GCSAML: variants seen among roughly 807,000 people sequenced by gnomAD.
GCSAML encodes germinal center associated signaling and motility like, also known as germinal center-associated signaling and motility-like protein.
Under a neutral mutation model 13.0 loss-of-function variants are expected in GCSAML, and 9 were observed. That is an observed-to-expected ratio of 0.69 (90% CI 0.42 to 1.21). The LOEUF (loss-of-function observed/expected upper bound fraction) is 1.21, where lower values mean the gene tolerates loss of function less well. Ranked by LOEUF, GCSAML falls within the 50% of genes most tolerant of loss-of-function variation. The pLI, the probability that GCSAML is intolerant of heterozygous loss-of-function variation, is 0.00. For missense variants in GCSAML, 143 were observed against 153.4 expected (o/e 0.93, Z 0.36); for synonymous variants, 37 against 52.9 (o/e 0.70, Z 1.31).
upstream of GCSAML, among the ~76,000 whole-genome samples, chr1:247,546,248 C>A (rs1389069936): frequency 1.3e-5 from 2 of 152,200 alleles, no homozygotes; most frequent in African/African-American, 4.8e-5. Context: ...TCATTGCACA[C>A]TACAGCTTCG....
At chr1:247,563,944 T>A (rs1212008108) in intron 3 of GCSAML, among the ~76,000 whole-genome samples, 1 of 152,154 alleles carries the variant, frequency 6.6e-6, no homozygotes, top group Non-Finnish European at 1.5e-5. Flanking sequence ...AGTGTATTTT[T>A]TTTTTTGAGA....
intron 3 of GCSAML, chr1:247,565,546 T>C (rs986485042): frequency 1.7e-5 from 3 of 171,774 alleles, no homozygotes; most frequent in Non-Finnish European, 2.4e-5. Flanking sequence ...CTGTGATAGT[T>C]ACATAAAATT....
In GCSAML at chr1:247,576,246, A is replaced by C. The variant is rs575104931; in HGVS notation, c.*1864A>C. The C allele has an allele frequency of 2.7e-4, 41 of 152,346 alleles. No individual in the cohort carries two copies. Among genetic ancestry groups the C allele is most frequent in the African/African-American group, 8.7e-4 (36 of 41,590 alleles). The allele number at this position is 152,346 out of a possible 1,614,324, so 9.4% of individuals were successfully genotyped here. On this transcript the variant is annotated 3_prime_UTR_variant, in exon 5 of 5. Transcript: ENST00000366488. ...GTGTCACTATTTCAAGTCAGTGCTC[A>C]AAAAGTTTCAGATGTTAAGCTGGTG...
intron 2 of GCSAML, among the ~76,000 whole-genome samples, chr1:247,558,448 C>T (rs1396969090): frequency 1.3e-5 from 2 of 152,084 alleles, no homozygotes; most frequent in African/African-American, 4.8e-5. Context: ...CTCATATATA[C>T]AGTTTGATAA....
At position 247,555,914 on chromosome 1, in the gene GCSAML, A is replaced by C. The variant is rs77952395; in HGVS notation, c.30-493A>C. 3.1e-3 allele frequency among the ~76,000 whole-genome samples: 479 copies of C among 152,340 alleles called. 1 individual carries two copies. The highest frequency in any genetic ancestry group is 5.9e-3 in the Non-Finnish European group (398 of 68,030). ...AATATGAAAAAGTCAGCTTTCCTGA[A>C]TGTATGTAAAGATCCCAATGTCTTA... is the stretch of plus-strand genomic sequence containing the variant. On this transcript the variant is annotated intron_variant, in intron 1 of 4. Transcript: ENST00000366488.
intron 2 of GCSAML, chr1:247,532,045 G>T (rs776246034): frequency 6.2e-7 from 1 of 1,614,096 alleles, no homozygotes; most frequent in South Asian, 1.1e-5. Context: ...CACCATGCTG[G>T]TGGTCAGACC....
In GCSAML at chr1:247,532,272, T is replaced by G. The variant is rs770826006; in HGVS notation, c.-148+5218T>G. On this transcript the variant is annotated intron_variant, in intron 2 of 5. Coordinates refer to the GCSAML transcript ENST00000366489. ...GTCCCCAGAGGTTAGCCAGGAGCTG[T>G]GGGACAATGCTCGTGGTGAAGCTCA... 5 of 1,614,062 alleles carry G rather than the reference T, an allele frequency of 3.1e-6. No individual in the cohort carries two copies. In the African/African-American group the frequency reaches 6.7e-5, roughly 22 times the overall value.
At chr1:247,567,121 T>C (rs78258317) in intron 4 of GCSAML, among the ~76,000 whole-genome samples, 1 of 150,656 alleles carries the variant, frequency 6.6e-6, no homozygotes, top group Non-Finnish European at 1.5e-5. Context: ...CTTTTTTTTT[T>C]CTAGAAACAT....
chr1:247,525,794 C>G (rs747117964), intron 1 of GCSAML: 1 of 152,244 alleles, frequency 6.6e-6, no homozygotes, highest in Non-Finnish European at 1.5e-5. Flanking sequence ...TATCTTAATT[C>G]TCTAATTCTG....
chr1:247,521,378 C>CCTCTCG lies in GCSAML; in HGVS notation c.-262-5557_-262-5556insGCTCTC, dbSNP rs1243087071. Among the ~76,000 whole-genome samples the CCTCTCG allele has an allele frequency of 3.4e-3, 511 of 151,028 alleles. 7 individuals carry two copies. Among genetic ancestry groups the CCTCTCG allele is most frequent in the Non-Finnish European group, 3.6e-3 (245 of 67,892 alleles). ...TCTCCCTCTCCACGGTCTCCCTCTCCCTCTCCACGGTCTCCCTCTCCCTCT... is the reference window on the plus strand; with the variant it reads ...TCTCCCTCTCCACGGTCTCCCTCTCCCTCTCGCTCTCCACGGTCTCCCTCTCCCTCT... On this transcript the variant is annotated intron_variant, in intron 1 of 5. Transcript: ENST00000366489.
At position 247,574,340 on chromosome 1, in the gene GCSAML, C is replaced by T; in HGVS notation, c.366C>T (p.Ser122=). Residue 122 remains serine (S), a synonymous_variant, in exon 5 of 5, where the codon TCC becomes TCT. Coordinates refer to ENST00000366488, the MANE Select transcript of GCSAML (RefSeq NM_145278.5). ...LLRTSVSRPC[S]CTHEHDYEVV... is the part of the protein sequence containing the mutation. Reference sequence around the variant, plus strand: ...GGACTTCTGTTAGTAGGCCTTGTTCCTGCACCCATGAGCATGATTATGAAG... The same window carrying T: ...GGACTTCTGTTAGTAGGCCTTGTTCTTGCACCCATGAGCATGATTATGAAG... 1 of 1,614,094 alleles carries T rather than the reference C, an allele frequency of 6.2e-7. No homozygotes were observed. Among genetic ancestry groups the T allele is most frequent in the Non-Finnish European group, 8.5e-7 (1 of 1,179,998 alleles).
intron 2 of GCSAML, 25 bp downstream of exon 2, chr1:247,556,491 TTTTTG>T (rs558022342): frequency 1.3e-5 from 20 of 1,567,170 alleles, no homozygotes; most frequent in Non-Finnish European, 1.7e-5. Flanking sequence ...TCTCAGAGTT[TTTTTG>T]TTTTGTTTTG....
upstream of GCSAML, among the ~76,000 whole-genome samples, chr1:247,547,495 T>C (rs142857016): frequency 1.3e-3 from 196 of 152,362 alleles, no homozygotes; most frequent in African/African-American, 4.6e-3. Flanking sequence ...TGGAGCTACT[T>C]ACTTGAGCAT....
At chr1:247,519,907 G>C (rs1194227459) in intron 1 of GCSAML, among the ~76,000 whole-genome samples, 2 of 152,184 alleles carry the variant, frequency 1.3e-5, no homozygotes, top group African/African-American at 4.8e-5. Flanking sequence ...TAGCATGGGA[G>C]AGTTTGCCAG....
chr1:247,532,103 T>C (rs1289613371), intron 2 of GCSAML: 1 of 1,613,936 alleles, frequency 6.2e-7, no homozygotes, highest in African/African-American at 1.3e-5. Flanking sequence ...TGTGGATGCA[T>C]AATGACAGTG....
rs771482430 is a variant in GCSAML at position 247,532,370 on chromosome 1, G to A, written c.-148+5316G>A. 109 of 1,614,024 alleles carry A rather than the reference G, an allele frequency of 6.8e-5. No individual in the cohort carries two copies. In the South Asian group the frequency reaches 1.1e-3, roughly 16 times the overall value. On this transcript the variant is annotated intron_variant, in intron 2 of 5. Transcript: ENST00000366489. ...AGGTGCACATCTGTATGGGAGACCAGAATGATGATGCCATTGCCCAAGATC... is the reference window on the plus strand; with the variant it reads ...AGGTGCACATCTGTATGGGAGACCAAAATGATGATGCCATTGCCCAAGATC...
chr1:247,562,339 C>T (rs981649267), intron 2 of GCSAML, among the ~76,000 whole-genome samples: 19 of 152,142 alleles, frequency 1.2e-4, no homozygotes, highest in African/African-American at 4.1e-4. Flanking sequence ...GCGCCCGTGC[C>T]TGAGGTCCGT....
At chr1:247,525,310 T>TA (rs935738905) in intron 1 of GCSAML, 1 of 152,218 alleles carries the variant, frequency 6.6e-6, no homozygotes, top group African/African-American at 2.4e-5. Context: ...TACCTGGAAA[T>TA]AACGCCAGGT....
At position 247,524,618 on chromosome 1, in the gene GCSAML, T is replaced by C. The variant is rs1003464363; in HGVS notation, c.-262-2322T>C. ...CAATACAGGCTGCATACATAAACCATGTTTAAATAATAATTCATTTCTTTG... is the reference window on the plus strand; with the variant it reads ...CAATACAGGCTGCATACATAAACCACGTTTAAATAATAATTCATTTCTTTG... On this transcript the variant is annotated intron_variant, in intron 1 of 5. Coordinates refer to the GCSAML transcript ENST00000366489. The C allele has an allele frequency of 2.0e-5, 3 of 152,316 alleles. No individual in the cohort carries two copies. In the East Asian group the frequency reaches 5.8e-4, roughly 29 times the overall value. The allele number at this position is 152,316 out of a possible 1,614,324, so 9.4% of individuals were successfully genotyped here.
Sources: allele counts gnomAD v4.1 joint callset (sites outside exome capture counted in the v4.1 genomes callset), GRCh38; gene constraint gnomAD v4.1.1; transcripts MANE v1.5; gene names NCBI Gene and HGNC (gene_info 2026-07-23, HGNC 2026-07-21).